Variants in RRP15 observed in about 807,000 individuals in gnomAD.
The protein encoded by RRP15 is ribosomal RNA processing 15 homolog, also known as RRP15-like protein.
RRP15 carries 18 observed loss-of-function variants against 27.1 expected under a neutral mutation model. That is an observed-to-expected ratio of 0.66 (90% CI 0.46 to 0.98). The LOEUF (loss-of-function observed/expected upper bound fraction) is 0.98. RRP15 is among the 50% of genes least tolerant of loss of function. The pLI is 0.00. For synonymous variants in RRP15, 107 were observed against 109.4 expected (o/e 0.98, Z 0.14); for missense variants, 359 against 337.8 (o/e 1.06, Z -0.49).
chr1:218,318,049 C>G (rs1656118097), intron 4 of RRP15, among the ~76,000 whole-genome samples: 1 of 151,936 alleles, frequency 6.6e-6, no homozygotes, highest in African/African-American at 2.4e-5. Flanking sequence ...AATTGTCAAA[C>G]AAGAAGAAAA....
Position 218,285,300 on chromosome 1 carries a change from G to T in RRP15, c.-17G>T, listed in dbSNP as rs375885919. 6.8e-6 allele frequency: 11 copies of T among 1,612,690 alleles called. No individual in the cohort carries two copies. In the African/African-American group the frequency reaches 1.2e-4, roughly 18 times the overall value. Reference sequence around the variant, plus strand: ...CCACCGGACGCAACTGTCAGGTGACGCTTCCGGCGCAGAAAAATGGCAGCC... The same window carrying T: ...CCACCGGACGCAACTGTCAGGTGACTCTTCCGGCGCAGAAAAATGGCAGCC... On this transcript the variant is annotated 5_prime_UTR_variant, in exon 1 of 5. Transcript: ENST00000366932.
chr1:218,306,051 A>G (rs560277745), intron 3 of RRP15, among the ~76,000 whole-genome samples: 20 of 152,292 alleles, frequency 1.3e-4, no homozygotes, highest in African/African-American at 4.3e-4. Context: ...CAGGCTCAGT[A>G]CATGAGAGTG....
intron 4 of RRP15, among the ~76,000 whole-genome samples, chr1:218,317,905 A>G (rs748634051): frequency 4.0e-5 from 6 of 150,410 alleles, no homozygotes; most frequent in Non-Finnish European, 7.4e-5. Context: ...TTGATTTAAA[A>G]TTTTTTTTTC....
At chr1:218,317,256 T>G (rs1249668381) in intron 4 of RRP15, among the ~76,000 whole-genome samples, 1 of 152,262 alleles carries the variant, frequency 6.6e-6, no homozygotes, top group Non-Finnish European at 1.5e-5. Context: ...GGGCACTTAC[T>G]AGCGTATGCT....
At chr1:218,300,469 A>G (rs2102496935) in intron 1 of RRP15, among the ~76,000 whole-genome samples, 1 of 152,302 alleles carries the variant, frequency 6.6e-6, no homozygotes, top group Middle Eastern at 3.4e-3. Context: ...AAATAAAGGT[A>G]TTACGCAAAA....
rs185673877 is a variant in RRP15 at position 218,319,150 on chromosome 1, C to T, written c.705+11518C>T. 3.8e-3 allele frequency among the ~76,000 whole-genome samples: 585 copies of T among 151,998 alleles called. 4 individuals carry two copies. Among genetic ancestry groups the T allele is most frequent in the African/African-American group, 0.013 (555 of 41,422 alleles). ...TCTCGGCTCGGCTCACTGCAACCTCCACCTCCCGGGTTCAAGTGGTTCTCC... is the reference window on the plus strand; with the variant it reads ...TCTCGGCTCGGCTCACTGCAACCTCTACCTCCCGGGTTCAAGTGGTTCTCC... On this transcript the variant is annotated intron_variant, in intron 4 of 4. Transcript: ENST00000366932.
chr1:218,297,752 T>C (rs1655743705), intron 1 of RRP15, among the ~76,000 whole-genome samples: 1 of 152,172 alleles, frequency 6.6e-6, no homozygotes, highest in Admixed American at 6.5e-5. Context: ...AAAACTGTAA[T>C]AGAGAATGTT....
At chr1:218,321,138 G>C (rs1438695426) in intron 4 of RRP15, among the ~76,000 whole-genome samples, 1 of 152,142 alleles carries the variant, frequency 6.6e-6, no homozygotes, top group Non-Finnish European at 1.5e-5. Context: ...GCTTTGAAAT[G>C]AAAGCTGATT....
rs1048081337 is a variant in RRP15 at position 218,336,194 on chromosome 1, T to A, written c.*5103T>A. 6.6e-6 allele frequency: 1 copy of A among 152,270 alleles called. No individual in the cohort carries two copies. The highest frequency in any genetic ancestry group is 2.4e-5 in the African/African-American group (1 of 41,386). The allele number at this position is 152,270 out of a possible 1,614,324, so 9.4% of individuals were successfully genotyped here. A position where few individuals can be genotyped will look rare whatever the true frequency, so the allele number is the denominator to read the frequency against. On this transcript the variant is annotated 3_prime_UTR_variant, in exon 5 of 5. Coordinates refer to ENST00000366932, the MANE Select transcript of RRP15 (RefSeq NM_016052.4). ...TTAGAGTTGCCTAGGTCCATTCTAT[T>A]CTAGCATATACTCAACATACTGCCA...
chr1:218,311,308 A>G (rs1655992800), intron 4 of RRP15, among the ~76,000 whole-genome samples: 1 of 152,112 alleles, frequency 6.6e-6, no homozygotes, highest in African/African-American at 2.4e-5. Flanking sequence ...ACCTCTCCAC[A>G]TTCTGTCCTT....
intron 3 of RRP15, among the ~76,000 whole-genome samples, chr1:218,305,465 G>A (rs771955698): frequency 6.6e-6 from 1 of 152,086 alleles, no homozygotes; most frequent in Non-Finnish European, 1.5e-5. Flanking sequence ...TATATTTATG[G>A]CATAATACAT....
intron 1 of RRP15, among the ~76,000 whole-genome samples, chr1:218,299,992 T>G (rs1655785339): frequency 6.6e-6 from 1 of 152,118 alleles, no homozygotes; most frequent in Non-Finnish European, 1.5e-5. Flanking sequence ...ATACCTTTTT[T>G]TTTAGTGTTA....
intron 4 of RRP15, among the ~76,000 whole-genome samples, chr1:218,329,383 G>A (rs2102517634): frequency 6.6e-6 from 1 of 152,024 alleles, no homozygotes. Context: ...TAACGCCACT[G>A]CACTCCAGCC....
intron 3 of RRP15, among the ~76,000 whole-genome samples, chr1:218,306,034 A>G (rs768683552): frequency 7.2e-5 from 11 of 152,148 alleles, no homozygotes; most frequent in Non-Finnish European, 8.8e-5. Flanking sequence ...CAGAACTTAG[A>G]AAAGTACAGG....
chr1:218,302,539 A>C lies in RRP15; in HGVS notation c.385A>C (p.Arg129=), dbSNP rs1410761551. Residue 129 remains arginine (R), a synonymous_variant, in exon 2 of 5, where the codon AGA becomes CGA. Transcript: ENST00000366932. The part of the protein sequence containing the change: ...EKEKEKLKQE[R]LEKIKQRDKR... ...GGAAAAAGAAAAGTTAAAGCAAGAAAGACTAGAGAAAATAAAACAGGTATG... is the reference window on the plus strand; with the variant it reads ...GGAAAAAGAAAAGTTAAAGCAAGAACGACTAGAGAAAATAAAACAGGTATG... 1 of 1,612,494 alleles carries C rather than the reference A, an allele frequency of 6.2e-7. No homozygotes were observed. Among genetic ancestry groups the C allele is most frequent in the Non-Finnish European group, 8.5e-7 (1 of 1,179,570 alleles).
At chr1:218,324,100 C>A (rs1263917316) in intron 4 of RRP15, among the ~76,000 whole-genome samples, 1 of 152,216 alleles carries the variant, frequency 6.6e-6, no homozygotes, top group Non-Finnish European at 1.5e-5. Context: ...CTCCTCTTGG[C>A]CCCTCTCAGC....
At position 218,337,374 on chromosome 1, in the gene RRP15, G is replaced by T. The variant is rs34568760; in HGVS notation, c.*6283G>T. The T allele has an allele frequency of 6.6e-6, 1 of 152,158 alleles. No homozygotes were observed. Among genetic ancestry groups the T allele is most frequent in the Non-Finnish European group, 1.5e-5 (1 of 68,024 alleles). 9.4% of individuals were successfully genotyped at this position (152,158 alleles called of 1,614,324 possible). ...TCCTCAGGAAAAGATTCTGATGACA[G>T]AAAATGCTGTGTGAACAGTATTATA... On this transcript the variant is annotated 3_prime_UTR_variant, in exon 5 of 5. Coordinates refer to ENST00000366932, the MANE Select transcript of RRP15 (RefSeq NM_016052.4).
intron 2 of RRP15, among the ~76,000 whole-genome samples, chr1:218,304,326 A>G (rs1337082727): frequency 6.6e-6 from 1 of 152,248 alleles, no homozygotes; most frequent in Non-Finnish European, 1.5e-5. Context: ...AGACATGAAC[A>G]TGCAATGTAT....
chr1:218,330,960 T>TCAG lies in RRP15; in HGVS notation c.719_721dup (p.Ser240_Glu241insAla), dbSNP rs764643867. On this transcript the variant is annotated inframe_insertion, in exon 5 of 5. Coordinates refer to ENST00000366932, the MANE Select transcript of RRP15 (RefSeq NM_016052.4). ...TAATTTTCCTTAGACTGAAGTGAAA[T>TCAG]CAGAAGAAGGCCCAGGTTGGACGAT... 1.1e-4 allele frequency: 175 copies of TCAG among 1,611,436 alleles called. No individual in the cohort carries two copies. The highest frequency in any genetic ancestry group is 1.3e-4 in the Non-Finnish European group (153 of 1,178,430).
Sources: gnomAD v4.1 joint callset for allele counts (sites outside exome capture counted in the v4.1 genomes callset) on GRCh38, gnomAD v4.1.1 for gene constraint, MANE v1.5 for transcripts, NCBI Gene and HGNC (gene_info 2026-07-23, HGNC 2026-07-21) for gene names.